The following EIF4ENIF1 variants were observed in gnomAD, a reference collection of about 807,000 sequenced individuals.
EIF4ENIF1 encodes the protein eukaryotic translation initiation factor 4E transporter.
In EIF4ENIF1, 23 loss-of-function variants were observed where a neutral mutation model predicts 110.5. That is an observed-to-expected ratio of 0.21 (90% CI 0.15 to 0.29). The LOEUF (loss-of-function observed/expected upper bound fraction) is 0.29, where lower values mean the gene tolerates loss of function less well. EIF4ENIF1 is among the 10% of genes least tolerant of loss of function. The pLI is 1.00. For missense variants in EIF4ENIF1, 1,031 were observed against 1,221.1 expected (o/e 0.84, Z 2.32); for synonymous variants, 440 against 437.0 (o/e 1.01, Z -0.09).
chr22:31,464,699 A>AAAAAAAAATAT (rs1304121964), intron 4 of EIF4ENIF1, among the ~76,000 whole-genome samples: 3 of 39,136 alleles, frequency 7.7e-5, no homozygotes, highest in Admixed American at 2.6e-4. Context: ...AAAAAAAAAA[A>AAAAAAAAATAT]ATATATATAT....
chr22:31,440,581 G>T, intron 18 of EIF4ENIF1, 123 bp downstream of exon 18: 4 of 1,228,944 alleles, frequency 3.3e-6, no homozygotes, highest in Non-Finnish European at 4.5e-6. Context: ...GTTACACTTT[G>T]TCCCAAACTT....
At chr22:31,480,338 T>C (rs2051765155) in intron 2 of EIF4ENIF1, among the ~76,000 whole-genome samples, 1 of 152,164 alleles carries the variant, frequency 6.6e-6, no homozygotes, top group African/African-American at 2.4e-5. Flanking sequence ...AAAAGAACAA[T>C]GGTTAAAATC....
intron 6 of EIF4ENIF1, among the ~76,000 whole-genome samples, chr22:31,460,081 CAAAG>C (rs1360539032): frequency 2.0e-5 from 3 of 152,170 alleles, no homozygotes; most frequent in African/African-American, 7.2e-5. Flanking sequence ...AAGAATGAGA[CAAAG>C]ACATATCTCA....
intron 18 of EIF4ENIF1, 126 bp downstream of exon 18, chr22:31,440,578 T>G (rs2050260625): frequency 8.2e-7 from 1 of 1,216,666 alleles, no homozygotes; most frequent in Non-Finnish European, 1.1e-6. Context: ...CTGGTTACAC[T>G]TTGTCCCAAA....
At chr22:31,465,693 A>C (rs1007065347) in intron 4 of EIF4ENIF1, among the ~76,000 whole-genome samples, 7 of 152,222 alleles carry the variant, frequency 4.6e-5, no homozygotes, top group Non-Finnish European at 1.0e-4. Context: ...GAGAAAAGAA[A>C]GCTTATGTCC....
rs2052144691 is a variant in EIF4ENIF1 at position 31,488,822 on chromosome 22, G to T, written c.-27-77C>A. On this transcript the variant is annotated intron_variant, in intron 1 of 18. Coordinates refer to ENST00000330125, the MANE Select transcript of EIF4ENIF1 (RefSeq NM_019843.4). ...AATCTTGGCTGTTTCTTCAGAAGCT[G>T]AAACTTTTTAATCTCTCAAAACAGC... 2.7e-6 allele frequency: 4 copies of T among 1,475,770 alleles called. No homozygotes were observed. The Admixed American group carries it at 1.0e-4, about 38-fold the overall frequency. 91.4% of individuals were successfully genotyped at this position (1,475,770 alleles called of 1,614,324 possible).
chr22:31,450,840 A>AC (rs767697127), intron 10 of EIF4ENIF1: 14,447 of 144,874 alleles, frequency 0.1, 736 homozygotes, highest in African/African-American at 0.15. Context: ...ACATATATAT[A>AC]TACTACACAC....
At chr22:31,478,629 A>AGCC in intron 2 of EIF4ENIF1, among the ~76,000 whole-genome samples, 1 of 151,828 alleles carries the variant, frequency 6.6e-6, no homozygotes, top group East Asian at 1.9e-4. Context: ...CATCCTGGCT[A>AGCC]ACACAGTGAA....
At chr22:31,486,576 C>T (rs925429122) in intron 2 of EIF4ENIF1, among the ~76,000 whole-genome samples, 64 of 151,018 alleles carry the variant, frequency 4.2e-4, no homozygotes, top group African/African-American at 1.6e-3. Flanking sequence ...TTCAGGATTT[C>T]AAGACCAGCC....
intron 3 of EIF4ENIF1, among the ~76,000 whole-genome samples, chr22:31,471,538 T>C (rs1161412835): frequency 6.6e-6 from 1 of 152,114 alleles, no homozygotes; most frequent in Non-Finnish European, 1.5e-5. Context: ...ATGGTCTCGA[T>C]CTCCTGACCT....
Position 31,462,955 on chromosome 22 carries a change from C to T in EIF4ENIF1, c.764G>A (p.Arg255Gln), listed in dbSNP as rs199793310. 38 of 1,614,008 alleles carry T rather than the reference C, an allele frequency of 2.4e-5. No homozygotes were observed. Among genetic ancestry groups the T allele is most frequent in the Admixed American group, 3.3e-5 (2 of 60,022 alleles). Reference protein sequence around the residue: ...EDHKGRKRTRRRTASVKEGIV... With the variant: ...EDHKGRKRTRQRTASVKEGIV... The stretch of plus-strand genomic sequence containing the variant: ...ACCTTCCTTCACAGAGGCTGTCCGT[C>T]GCCTTGTTCTTTTTCTCCCTTTGTG... Residue 255 changes from arginine (R) to glutamine (Q), a missense_variant, in exon 6 of 19, where the codon CGA (arginine) becomes CAA (glutamine). Arg to Gln is a conservative substitution (Grantham distance 43). Transcript: ENST00000330125.
rs573615264 is a variant in EIF4ENIF1 at position 31,459,125 on chromosome 22, G to A, written c.788-475C>T. On this transcript the variant is annotated intron_variant, in intron 6 of 18. Transcript: ENST00000330125. ...TAATTTTTTGTAGAGACTGAGTCTC[G>A]CTAAATTGCACAGCCTGGACTTAAA... is the stretch of plus-strand genomic sequence containing the variant. Among the ~76,000 whole-genome samples, 4 of 151,912 alleles carry A rather than the reference G, an allele frequency of 2.6e-5. No individual in the cohort carries two copies. In the South Asian group the frequency reaches 6.2e-4, roughly 24 times the overall value.
chr22:31,479,972 A>G (rs1299873703), intron 2 of EIF4ENIF1, among the ~76,000 whole-genome samples: 2 of 152,100 alleles, frequency 1.3e-5, no homozygotes, highest in Admixed American at 1.3e-4. Context: ...TCAGCCTCCT[A>G]AAGTGCTGGG....
At chr22:31,438,698 T>C (rs1316073892), downstream of EIF4ENIF1, among the ~76,000 whole-genome samples, 1 of 152,090 alleles carries the variant, frequency 6.6e-6, no homozygotes, top group African/African-American at 2.4e-5. Flanking sequence ...ATAGTTGATT[T>C]CTCCTAAATC....
At chr22:31,449,991 A>C (rs1314603895) in intron 11 of EIF4ENIF1, among the ~76,000 whole-genome samples, 1 of 152,128 alleles carries the variant, frequency 6.6e-6, no homozygotes, top group African/African-American at 2.4e-5. Context: ...TCAGCCTCCC[A>C]AAGTGCTGAG....
rs146239944 is a variant in EIF4ENIF1 at position 31,444,652 on chromosome 22, C to T, written c.2027G>A (p.Arg676Gln). 8,914 of 1,614,062 alleles carry T rather than the reference C, an allele frequency of 5.5e-3. 75 individuals are homozygous for T. Among genetic ancestry groups the T allele is most frequent in the South Asian group, 6.1e-3 (558 of 91,082 alleles). The change falls in exon 15 of 19, where the codon CGA becomes CAA. Residue 676 changes from arginine to glutamine, a missense_variant. Physicochemically the swap from Arg to Gln is conservative, Grantham distance 43. Around this residue, in one of 3 missense-constraint regions of EIF4ENIF1, gnomAD observed 704 missense variants for 879.7 expected, o/e 0.80. Transcript: ENST00000330125. ...RVTKSPAPVH[R>Q]GNSSSPAPAA... Reference sequence around the variant, plus strand: ...AGGGGCAGGGGAAGAGGAATTCCCTCGATGCACGGGTGCTGGTGACTTGGT... The same window carrying T: ...AGGGGCAGGGGAAGAGGAATTCCCTTGATGCACGGGTGCTGGTGACTTGGT...
intron 4 of EIF4ENIF1, 110 bp from the exon 5 acceptor site, chr22:31,464,077 T>C: frequency 7.1e-7 from 1 of 1,410,992 alleles, no homozygotes; most frequent in Non-Finnish European, 9.4e-7. Context: ...TGGAAGAGAG[T>C]CACCACTAAA....
chr22:31,470,831 A>G (rs2051350299), intron 3 of EIF4ENIF1, among the ~76,000 whole-genome samples: 1 of 151,372 alleles, frequency 6.6e-6, no homozygotes, highest in Non-Finnish European at 1.5e-5. Flanking sequence ...TATAGGCACT[A>G]TAGTACCATA....
At chr22:31,463,275 C>T (rs911146116) in intron 5 of EIF4ENIF1, 142 bp from the exon 6 acceptor site, 2 of 745,698 alleles carry the variant, frequency 2.7e-6, no homozygotes, top group Non-Finnish European at 4.3e-6. Context: ...CCACCCCTTC[C>T]TCCCTGACTG....
Sources: allele counts gnomAD v4.1 joint callset (sites outside exome capture counted in the v4.1 genomes callset), GRCh38; gene constraint gnomAD v4.1.1; regional missense constraint gnomAD v4.1.1; transcripts MANE v1.5; gene names NCBI Gene and HGNC (gene_info 2026-07-23, HGNC 2026-07-21).